ADGRE5: variants seen among roughly 807,000 people sequenced by gnomAD.
The protein encoded by ADGRE5 is CD97 molecule.
ADGRE5 carries 72 observed loss-of-function variants against 100.3 expected under a neutral mutation model. The ratio of observed to expected loss-of-function variants is 0.72; its 90% confidence interval spans 0.59 to 0.87. The LOEUF is 0.87. Among genes scored for constraint, ADGRE5 ranks in the 40% least tolerant of loss-of-function variants. ADGRE5 has a pLI of 0.00. For synonymous variants in ADGRE5, 439 were observed against 447.8 expected, an observed-to-expected ratio of 0.98 and a Z score of 0.25; for missense variants, 959 against 1,094.7, an observed-to-expected ratio of 0.88 and a Z score of 1.75.
At chr19:14,388,664 T>G in intron 2 of ADGRE5, 38 bp from the exon 3 acceptor site, 1 of 1,609,598 alleles carries the variant, frequency 6.2e-7, no homozygotes, top group Non-Finnish European at 8.5e-7. Context: ...TGTATTCCCT[T>G]ACCCCTCACC....
chr19:14,381,663 C>T, intron 1 of ADGRE5, 118 bp downstream of exon 1: 2 of 1,226,224 alleles, frequency 1.6e-6, no homozygotes, highest in East Asian at 2.6e-5. Context: ...GAGGAAGCCA[C>T]ATGGTCAAGC....
At position 14,406,384 on chromosome 19, in the gene ADGRE5, C is replaced by T. The variant is rs754755780; in HGVS notation, c.1875C>T (p.Ala625=). The T allele has an allele frequency of 6.3e-7, 1 of 1,590,254 alleles. No individual in the cohort carries two copies. ...VAGLLHYCFL[A]AFCWMSLEGL... ...GGCTGCTGCACTACTGTTTCCTGGC[C>T]GCCTTCTGCTGGATGAGCCTCGAAG... The change falls in exon 15 of 20, where the codon GCC becomes GCT. Residue 625 remains alanine (A), a synonymous_variant. Coordinates refer to ENST00000242786, the MANE Select transcript of ADGRE5 (RefSeq NM_078481.4). The surrounding 1 kb of genome is among the most constrained non-coding windows in gnomAD (Gnocchi z 6.0).
rs372126773 is a variant in ADGRE5, at chr19:14,395,709, C to G, written c.347-633C>G. The stretch of plus-strand genomic sequence containing the variant: ...TCTTTGTAGACTCGGGGCTGCCTGG[C>G]TGGACATCAGCCCCCACTGTTCACC... On this transcript the variant is annotated intron_variant, in intron 4 of 19. Transcript: ENST00000242786. Among the ~76,000 whole-genome samples, 37 of 152,292 alleles carry G rather than the reference C, an allele frequency of 2.4e-4. No individual in the cohort carries two copies. The East Asian group carries it at 3.5e-3, about 14-fold the overall frequency.
At chr19:14,383,544 T>A (rs752664942) in intron 1 of ADGRE5, among the ~76,000 whole-genome samples, 2 of 151,902 alleles carry the variant, frequency 1.3e-5, no homozygotes, top group African/African-American at 2.4e-5. Flanking sequence ...ATTATTAAAT[T>A]CTGGTAAGAC....
chr19:14,406,014 G>A lies in ADGRE5; in HGVS notation c.1821+75G>A. The A allele has an allele frequency of 1.5e-6, 2 of 1,344,946 alleles. No homozygotes were observed. Among genetic ancestry groups the A allele is most frequent in the Non-Finnish European group, 2.0e-6 (2 of 997,626 alleles). The allele number at this position is 1,344,946 out of a possible 1,614,324, so 83.3% of individuals were successfully genotyped here. A position where few individuals can be genotyped will look rare whatever the true frequency, so the allele number is the denominator to read the frequency against. ...GGAGGGGTTAGCCCCGCCCACTCCCGGGGCTCAGTCGGGTAGGCGGGCCCT... is the reference window on the plus strand; with the variant it reads ...GGAGGGGTTAGCCCCGCCCACTCCCAGGGCTCAGTCGGGTAGGCGGGCCCT... On this transcript the variant is annotated intron_variant, in intron 14 of 19. Coordinates refer to ENST00000242786, the MANE Select transcript of ADGRE5 (RefSeq NM_078481.4). The surrounding 1 kb of genome is among the most constrained non-coding windows in gnomAD (Gnocchi z 6.0).
At chr19:14,385,010 C>CTTTTTTTTTTT (rs56960989) in intron 1 of ADGRE5, among the ~76,000 whole-genome samples, 1 of 68,684 alleles carries the variant, frequency 1.5e-5, no homozygotes, top group Non-Finnish European at 2.6e-5. Context: ...GACTCTTGCT[C>CTTTTTTTTTTT]TTTTTTTTTT....
chr19:14,396,249 C>T lies in ADGRE5; in HGVS notation c.347-93C>T. On this transcript the variant is annotated intron_variant, in intron 4 of 19. Coordinates refer to ENST00000242786, the MANE Select transcript of ADGRE5 (RefSeq NM_078481.4). ...AAAGGGAGGAGACAGTGGTGCCTTC[C>T]AGATGCTTCCGTGCCAGGAAACATG... 5 of 1,610,156 alleles carry T rather than the reference C, an allele frequency of 3.1e-6. No homozygotes were observed. In the South Asian group the frequency reaches 5.5e-5, roughly 18 times the overall value.
chr19:14,393,862 CAG>C (rs1348639013), intron 4 of ADGRE5, among the ~76,000 whole-genome samples: 1 of 152,152 alleles, frequency 6.6e-6, no homozygotes, highest in African/African-American at 2.4e-5. Flanking sequence ...CCAGAGGAGA[CAG>C]AGTCTTCATG....
At chr19:14,389,336 G>T in intron 3 of ADGRE5, among the ~76,000 whole-genome samples, 1 of 36,772 alleles carries the variant, frequency 2.7e-5, no homozygotes, top group Non-Finnish European at 4.7e-5. Context: ...AGGGAGGGGG[G>T]AAGGGGAGGG....
intron 12 of ADGRE5, among the ~76,000 whole-genome samples, chr19:14,403,249 T>C (rs1599631515): frequency 1.3e-5 from 2 of 151,966 alleles, no homozygotes; most frequent in African/African-American, 4.8e-5. Context: ...TCCATGTTGG[T>C]CAGGTTGGTC....
chr19:14,387,504 G>A (rs560665332), intron 1 of ADGRE5, among the ~76,000 whole-genome samples: 235 of 149,920 alleles, frequency 1.6e-3, no homozygotes, highest in African/African-American at 5.6e-3. Context: ...CGAGGTGGGT[G>A]GATCACGAGG....
In ADGRE5 at chr19:14,407,999, A is replaced by G. The variant is rs770104603; in HGVS notation, c.2468A>G (p.Asn823Ser). Residue 823 changes from asparagine (N) to serine (S), a missense_variant, in exon 19 of 20, where the codon AAT becomes AGT. This residue lies in a region of ADGRE5 where 428 missense variants were observed against 386.2 expected (regional missense o/e 1.11). Coordinates refer to ENST00000242786, the MANE Select transcript of ADGRE5 (RefSeq NM_078481.4). ...TCCACCACGTCTGGCACTGGCCACA[A>G]TCAGACCCGGGTAAGGGGCTGCGCC... The part of the protein sequence containing the change: ...FTSTTSGTGH[N>S]QTRALRASES... 3.4e-5 allele frequency: 55 copies of G among 1,614,032 alleles called. No homozygotes were observed. The highest frequency in any genetic ancestry group is 1.9e-4 in the African/African-American group (14 of 74,922).
chr19:14,394,465 A>G (rs1975705448), intron 4 of ADGRE5, among the ~76,000 whole-genome samples: 1 of 151,966 alleles, frequency 6.6e-6, no homozygotes, highest in South Asian at 2.1e-4. Context: ...TAAACCCCTG[A>G]TCACCCGTCT....
Position 14,393,132 on chromosome 19 carries a change from C to T in ADGRE5, c.346+2053C>T, listed in dbSNP as rs113275479. Among the ~76,000 whole-genome samples the T allele has an allele frequency of 1.5e-3, 229 of 151,052 alleles. 1 individual carries two copies. Among genetic ancestry groups the T allele is most frequent in the African/African-American group, 4.8e-3 (198 of 41,104 alleles). ...AGGAGAATGGCGTGAACCCGGGAGGCGGAGGTTGCAGTGAGCCGATATTGC... is the reference window on the plus strand; with the variant it reads ...AGGAGAATGGCGTGAACCCGGGAGGTGGAGGTTGCAGTGAGCCGATATTGC... On this transcript the variant is annotated intron_variant, in intron 4 of 19. Transcript: ENST00000242786.
chr19:14,403,736 C>G (rs566862838), intron 12 of ADGRE5, among the ~76,000 whole-genome samples: 1 of 152,184 alleles, frequency 6.6e-6, no homozygotes, highest in South Asian at 2.1e-4. Context: ...TCAAGCGATC[C>G]TCCCACCTTG....
rs930844829 is a variant in ADGRE5 at position 14,408,283 on chromosome 19, G to A, written c.*162G>A. ...GTGGCAGCTATAGTCTGGCACCAAA[G>A]TCCAGGACACCCAGTGGGGTGGAGT... On this transcript the variant is annotated 3_prime_UTR_variant, in exon 20 of 20. Coordinates refer to ENST00000242786, the MANE Select transcript of ADGRE5 (RefSeq NM_078481.4). 2.8e-5 allele frequency: 22 copies of A among 790,540 alleles called. No homozygotes were observed. The South Asian group carries it at 3.0e-4, about 11-fold the overall frequency. The allele number at this position is 790,540 out of a possible 1,614,324, so 49.0% of individuals were successfully genotyped here.
In ADGRE5 at chr19:14,391,443, A is replaced by C. The variant is rs1336450735; in HGVS notation, c.346+364A>C. ...CTCTTGAGGCCAGGAGTTCAAGACCAGCCCATAGCAACATAGCAAGACCCC... is the reference window on the plus strand; with the variant it reads ...CTCTTGAGGCCAGGAGTTCAAGACCCGCCCATAGCAACATAGCAAGACCCC... On this transcript the variant is annotated intron_variant, in intron 4 of 19. Transcript: ENST00000242786. The C allele has an allele frequency of 2.5e-5, 6 of 244,110 alleles. No homozygotes were observed. The Admixed American group carries it at 2.5e-4, about 10-fold the overall frequency. The allele number at this position is 244,110 out of a possible 1,614,324, so 15.1% of individuals were successfully genotyped here.
At chr19:14,393,126 G>A (rs1056741394) in intron 4 of ADGRE5, among the ~76,000 whole-genome samples, 4 of 151,762 alleles carry the variant, frequency 2.6e-5, no homozygotes, top group Admixed American at 2.0e-4. Context: ...GCGTGAACCC[G>A]GGAGGCGGAG....
At position 14,386,091 on chromosome 19, in the gene ADGRE5, A is replaced by C. The variant is rs555500329; in HGVS notation, c.23-2359A>C. Among the ~76,000 whole-genome samples the C allele has an allele frequency of 2.0e-5, 3 of 151,806 alleles. No homozygotes were observed. In the South Asian group the frequency reaches 6.3e-4, roughly 32 times the overall value. ...TGACCACGCCTTCATTTTTACCTAA[A>C]GAAATGAAGATGGCAGGCAGGGCCT... On this transcript the variant is annotated intron_variant, in intron 1 of 19. Transcript: ENST00000242786.
Sources: allele counts gnomAD v4.1 joint callset (sites outside exome capture counted in the v4.1 genomes callset), GRCh38; gene constraint gnomAD v4.1.1; regional missense constraint gnomAD v4.1.1; non-coding constraint Gnocchi (gnomAD v3.1); transcripts MANE v1.5; gene names NCBI Gene and HGNC (gene_info 2026-07-23, HGNC 2026-07-21).